The following ANO6 variants were observed in gnomAD, a reference collection of about 807,000 sequenced individuals.
The protein encoded by ANO6 is anoctamin-6.
A neutral mutation model predicts 117.5 loss-of-function variants in ANO6; 106 were observed. That is an observed-to-expected ratio of 0.90 (90% confidence interval 0.77 to 1.06). The LOEUF (loss-of-function observed/expected upper bound fraction) is 1.06, where lower values mean the gene tolerates loss of function less well. Ranked by LOEUF, ANO6 falls within the 50% of genes least tolerant of loss-of-function variation. ANO6 has a pLI of 0.00. For synonymous variants in ANO6, 367 were observed against 385.1 expected (o/e 0.95, Z 0.55); for missense variants, 955 against 1,121.1 (o/e 0.85, Z 2.12).
rs575787808 is a variant in ANO6, at chr12:45,358,367, A to C, written c.998+943A>C. On this transcript the variant is annotated intron_variant, in intron 8 of 19. Transcript: ENST00000320560. ...GAAAGCTGCAGATGGCTTTTGAAGT[A>C]CTCTTCCCTCCTCACTGAAAAAGAG... 2.6e-5 allele frequency among the ~76,000 whole-genome samples: 4 copies of C among 151,734 alleles called. No homozygotes were observed. In the South Asian group the frequency reaches 6.3e-4, roughly 24 times the overall value.
At chr12:45,310,781 G>C (rs1298738717) in intron 2 of ANO6, among the ~76,000 whole-genome samples, 1 of 152,046 alleles carries the variant, frequency 6.6e-6, no homozygotes, top group African/African-American at 2.4e-5. Context: ...GACTGGGACA[G>C]CTGCCAGAAT....
chr12:45,423,804 G>A (rs938906153), intron 19 of ANO6, among the ~76,000 whole-genome samples: 8 of 152,124 alleles, frequency 5.3e-5, no homozygotes, highest in Admixed American at 1.3e-4. Context: ...GAAGAAGGGC[G>A]ATGCTAACCA....
At chr12:45,375,843 A>C (rs1319309112) in intron 9 of ANO6, among the ~76,000 whole-genome samples, 1 of 150,300 alleles carries the variant, frequency 6.7e-6, no homozygotes, top group Non-Finnish European at 1.5e-5. Flanking sequence ...ACAAAAGCCA[A>C]AATTGACAAA....
intron 12 of ANO6, among the ~76,000 whole-genome samples, chr12:45,400,534 C>G (rs552953963): frequency 1.3e-5 from 2 of 152,294 alleles, no homozygotes; most frequent in African/African-American, 4.8e-5. Context: ...ACTTTGGTTG[C>G]TATAATCATA....
At chr12:45,330,326 C>T (rs1896025) in intron 2 of ANO6, among the ~76,000 whole-genome samples, 84,118 of 151,960 alleles carry the variant, frequency 0.55, 24,113 homozygotes, top group East Asian at 0.88. Context: ...CTGTGCTAAT[C>T]GATAATGAAG....
intron 1 of ANO6, among the ~76,000 whole-genome samples, chr12:45,293,923 T>C (rs1939203073): frequency 6.6e-6 from 1 of 152,006 alleles, no homozygotes; most frequent in Non-Finnish European, 1.5e-5. Flanking sequence ...AATGATTTTT[T>C]GGCTCCACCT....
intron 10 of ANO6, among the ~76,000 whole-genome samples, chr12:45,386,057 A>AAAAAC (rs1030035426): frequency 6.6e-6 from 1 of 152,242 alleles, no homozygotes; most frequent in Non-Finnish European, 1.5e-5. Flanking sequence ...ATTAAACCTT[A>AAAAAC]AAAACAAAAC....
intron 7 of ANO6, among the ~76,000 whole-genome samples, 190 bp from the exon 8 acceptor site, chr12:45,357,100 A>G (rs1941430402): frequency 6.6e-6 from 1 of 152,238 alleles, no homozygotes; most frequent in Non-Finnish European, 1.5e-5. Flanking sequence ...CAGTTCTTCC[A>G]TAATGTGTAA....
intron 10 of ANO6, among the ~76,000 whole-genome samples, chr12:45,387,763 C>T (rs1026708241): frequency 6.6e-6 from 1 of 151,918 alleles, no homozygotes; most frequent in Admixed American, 6.6e-5. Flanking sequence ...AATTATAATC[C>T]CCATGTGTCA....
intron 1 of ANO6, among the ~76,000 whole-genome samples, chr12:45,241,036 G>T (rs954417055): frequency 3.9e-5 from 6 of 152,280 alleles, no homozygotes; most frequent in Admixed American, 6.5e-5. Flanking sequence ...TCTTGAGGTT[G>T]CTCTTCTTGA....
chr12:45,244,413 G>C lies in ANO6; in HGVS notation c.70+28022G>C, dbSNP rs60483922. ...TAGGGCTTCTCTATTTGGGGGGGGG[G>C]GGTGGTCTGTGGATCTGCATGGGTG... On this transcript the variant is annotated intron_variant, in intron 1 of 19. Coordinates refer to ENST00000320560, the MANE Select transcript of ANO6 (RefSeq NM_001025356.3). Among the ~76,000 whole-genome samples the C allele has an allele frequency of 4.3e-3, 628 of 147,382 alleles. 9 individuals carry two copies. The highest frequency in any genetic ancestry group is 0.015 in the African/African-American group (593 of 40,276).
intron 2 of ANO6, among the ~76,000 whole-genome samples, chr12:45,319,645 G>C (rs937905364): frequency 2.6e-5 from 4 of 152,300 alleles, no homozygotes; most frequent in African/African-American, 7.2e-5. Context: ...ATGAGTTAGG[G>C]AGGATTCCCT....
rs1348526616 is a variant in ANO6 at position 45,421,284 on chromosome 12, C to T, written c.2420+11C>T. On this transcript the variant is annotated intron_variant, in intron 18 of 19. Coordinates refer to ENST00000320560, the MANE Select transcript of ANO6 (RefSeq NM_001025356.3). ...CCATACCACATGCAGGCAAGTTCTG[C>T]TTTACTTGTTTAAAAATGCACTTCA... 2 of 1,612,926 alleles carry T rather than the reference C, an allele frequency of 1.2e-6. No homozygotes were observed. The highest frequency in any genetic ancestry group is 1.1e-5 in the South Asian group (1 of 90,958).
At chr12:45,301,286 T>G (rs1254243378) in intron 1 of ANO6, among the ~76,000 whole-genome samples, 1 of 152,120 alleles carries the variant, frequency 6.6e-6, no homozygotes, top group Non-Finnish European at 1.5e-5. Flanking sequence ...CTGGCTCCCA[T>G]TATATTTCTA....
Position 45,384,174 on chromosome 12 carries a change from C to T in ANO6, c.1166-3987C>T, listed in dbSNP as rs143235899. Among the ~76,000 whole-genome samples the T allele has an allele frequency of 2.6e-3, 389 of 152,360 alleles. 2 individuals are homozygous for T. The highest frequency in any genetic ancestry group is 8.8e-3 in the African/African-American group (368 of 41,588). On this transcript the variant is annotated intron_variant, in intron 10 of 19. Transcript: ENST00000320560. ...CTAGCTTCAAACTTTTCTTCTGCAG[C>T]TTCCTCACCTCTCTCAGCCTTCATA...
At chr12:45,250,592 G>A (rs12302842) in intron 1 of ANO6, among the ~76,000 whole-genome samples, 4,965 of 151,680 alleles carry the variant, frequency 0.033, 241 homozygotes, top group African/African-American at 0.11. Context: ...TTGTTGAGGG[G>A]TCGTCTTGCT....
intron 1 of ANO6, among the ~76,000 whole-genome samples, chr12:45,244,411 G>T (rs1342589383): frequency 2.0e-5 from 3 of 149,240 alleles, no homozygotes; most frequent in Non-Finnish European, 3.0e-5. Context: ...TTTGGGGGGG[G>T]GGGGTGGTCT....
intron 2 of ANO6, among the ~76,000 whole-genome samples, chr12:45,314,726 A>G (rs895311165): frequency 3.9e-5 from 6 of 152,022 alleles, no homozygotes; most frequent in African/African-American, 1.4e-4. Flanking sequence ...CGTCTGGAGA[A>G]TGCCCACACA....
rs1262240176 is a variant in ANO6 at position 45,416,748 on chromosome 12, C to T, written c.2061C>T (p.Ala687=). Reference sequence around the variant, plus strand: ...TATTTGTGGCCTCTTTTCCACTGGCCCCTCTGTTGGCTCTCGTGAACAATA... The same window carrying T: ...TATTTGTGGCCTCTTTTCCACTGGCTCCTCTGTTGGCTCTCGTGAACAATA... ...VTLFVASFPL[A]PLLALVNNIL... The change falls in exon 17 of 20, where the codon GCC becomes GCT. Residue 687 remains alanine, a synonymous_variant. Coordinates refer to ENST00000320560, the MANE Select transcript of ANO6 (RefSeq NM_001025356.3). 1.2e-6 allele frequency: 2 copies of T among 1,614,094 alleles called. No homozygotes were observed. The highest frequency in any genetic ancestry group is 1.7e-5 in the Admixed American group (1 of 60,002).
Sources: allele counts gnomAD v4.1 joint callset (sites outside exome capture counted in the v4.1 genomes callset), GRCh38; gene constraint gnomAD v4.1.1; transcripts MANE v1.5; gene names NCBI Gene and HGNC (gene_info 2026-07-23, HGNC 2026-07-21).